The following GAK variants were observed in gnomAD, a reference collection of about 807,000 sequenced individuals.
The protein encoded by GAK is cyclin G associated kinase.
GAK carries 79 observed loss-of-function variants against 143.9 expected under a neutral mutation model. The observed-to-expected ratio is 0.55, with a 90% CI of 0.46 to 0.66. The LOEUF (loss-of-function observed/expected upper bound fraction) is 0.66. Among genes scored for constraint, GAK ranks in the 30% least tolerant of loss-of-function variants. The pLI is 0.00. For missense variants in GAK, 1,693 were observed against 1,779.7 expected, an observed-to-expected ratio of 0.95 and a Z score of 0.88; for synonymous variants, 881 against 765.5, an observed-to-expected ratio of 1.15 and a Z score of -2.49.
In GAK at chr4:868,594, T is replaced by C; in HGVS notation, c.2340A>G (p.Ser780=). The stretch of plus-strand genomic sequence containing the variant: ...TGGCGTCCGCGCTGCTGCTTGGCGG[T>C]GAGTCAGAGTCTGTGGGTTCGGCTT... ...SPEAEPTDSD[S]PPSSSADASR... The change falls in exon 20 of 28, where the codon TCA becomes TCG. Residue 780 remains serine (S), a synonymous_variant. Coordinates refer to ENST00000314167, the MANE Select transcript of GAK (RefSeq NM_005255.4). The C allele has an allele frequency of 6.2e-7, 1 of 1,603,084 alleles. No homozygotes were observed. Among genetic ancestry groups the C allele is most frequent in the Non-Finnish European group, 8.5e-7 (1 of 1,175,248 alleles).
intron 1 of GAK, among the ~76,000 whole-genome samples, chr4:923,171 C>A (rs1009646056): frequency 6.6e-6 from 1 of 152,146 alleles, no homozygotes; most frequent in African/African-American, 2.4e-5. Flanking sequence ...GCATCCCGAC[C>A]GTCACCACTG....
At chr4:851,474 C>G in intron 25 of GAK, 1 of 552,128 alleles carries the variant, frequency 1.8e-6, no homozygotes, top group Non-Finnish European at 3.2e-6. Flanking sequence ...CATCCTGATG[C>G]CTCCAGAGTA....
At chr4:900,437 G>T (rs1215054374) in intron 5 of GAK, among the ~76,000 whole-genome samples, 3 of 152,254 alleles carry the variant, frequency 2.0e-5, no homozygotes, top group Admixed American at 6.5e-5. Context: ...TGAAGTGCAG[G>T]CCTGGCTCAC....
chr4:903,721 G>A (rs928635497), intron 5 of GAK, among the ~76,000 whole-genome samples: 12 of 147,212 alleles, frequency 8.2e-5, no homozygotes, highest in Admixed American at 2.0e-4. Context: ...GGGGGCGGCC[G>A]AGGAAGGAGT....
At chr4:903,193 A>G (rs547847569) in intron 5 of GAK, among the ~76,000 whole-genome samples, 1 of 152,252 alleles carries the variant, frequency 6.6e-6, no homozygotes, top group South Asian at 2.1e-4. Flanking sequence ...GCCCCAGTCT[A>G]GAAGCATCTG....
At position 884,211 on chromosome 4, in the gene GAK, G is replaced by C. The variant is rs1715777572; in HGVS notation, c.1206-125C>G. ...CTCTCACTGTAGAGGCCGCATCCCA[G>C]GAGGAACGTGTGTGTGCACAGGCGT... On this transcript the variant is annotated intron_variant, in intron 11 of 27. Coordinates refer to ENST00000314167, the MANE Select transcript of GAK (RefSeq NM_005255.4). The C allele has an allele frequency of 2.6e-6, 2 of 757,184 alleles. 1 individual carries two copies. Among genetic ancestry groups the C allele is most frequent in the Admixed American group, 4.7e-5 (2 of 42,884 alleles). 46.9% of individuals were successfully genotyped at this position (757,184 alleles called of 1,614,324 possible). A position where few individuals can be genotyped will look rare whatever the true frequency, so the allele number is the denominator to read the frequency against.
At chr4:895,502 C>T (rs1718596956) in intron 7 of GAK, among the ~76,000 whole-genome samples, 1 of 152,202 alleles carries the variant, frequency 6.6e-6, no homozygotes, top group Non-Finnish European at 1.5e-5. Flanking sequence ...GGACACAGGG[C>T]CTCAGCCTAC....
At chr4:922,800 T>TA (rs1724116653) in intron 1 of GAK, among the ~76,000 whole-genome samples, 2 of 152,314 alleles carry the variant, frequency 1.3e-5, no homozygotes, top group Admixed American at 6.5e-5. Flanking sequence ...ACTGCACTCT[T>TA]AAACATTTAT....
intron 18 of GAK, 113 bp from the exon 19 acceptor site, chr4:871,017 C>T (rs1045171090): frequency 1.8e-5 from 17 of 938,234 alleles, no homozygotes; most frequent in Admixed American, 2.9e-5. Flanking sequence ...GGCAGCGGGG[C>T]GAGAACAACC....
At chr4:868,919 G>A (rs537861110) in intron 19 of GAK, 10 of 536,736 alleles carry the variant, frequency 1.9e-5, no homozygotes, top group African/African-American at 1.7e-4. Context: ...ACGCACACAT[G>A]AACACGCACA....
intron 11 of GAK, chr4:887,923 A>ACT (rs397822985): frequency 6.6e-6 from 1 of 152,094 alleles, no homozygotes; most frequent in Admixed American, 6.5e-5. Context: ...ACATGTTCAC[A>ACT]TATGTATGTT....
chr4:883,398 AC>A lies in GAK; in HGVS notation c.1320del (p.Leu440PhefsTer102). ...TGCCCTGGGTGCTTGGAGTCCAGGA[AC>A]AACCGCACATCTTCGATGTTGTTTT... ...ALKNNIEDVRLFLDSKHPGHY... is the reference protein window; with the variant it reads ...ALKNNIEDVRXFLDSKHPGHY... On this transcript the variant is annotated frameshift_variant, in exon 13 of 28. Coordinates refer to ENST00000314167, the MANE Select transcript of GAK (RefSeq NM_005255.4). LOFTEE classifies it high-confidence loss of function. 1 of 1,613,790 alleles carries A rather than the reference AC, an allele frequency of 6.2e-7. No homozygotes were observed. The highest frequency in any genetic ancestry group is 8.5e-7 in the Non-Finnish European group (1 of 1,179,994).
At chr4:904,927 T>C (rs976872349) in intron 4 of GAK, 148 bp from the exon 5 acceptor site, 1 of 750,726 alleles carries the variant, frequency 1.3e-6, no homozygotes, top group Non-Finnish European at 2.1e-6. Flanking sequence ...CAGAGGTGAC[T>C]CCCTTTGACC....
rs140383703 is a variant in GAK, at chr4:881,826, T to C, written c.1661+81A>G. On this transcript the variant is annotated intron_variant, in intron 15 of 27. Transcript: ENST00000314167. ...CGCCTGCAGCGGCACCGACTGGCCC[T>C]CCAGGAGACACCACAGCGGGGGCGG... The C allele has an allele frequency of 4.7e-3, 6,959 of 1,465,522 alleles. 28 individuals are homozygous for C. Among genetic ancestry groups the C allele is most frequent in the Non-Finnish European group, 5.8e-3 (6,329 of 1,089,190 alleles). 90.8% of individuals were successfully genotyped at this position (1,465,522 alleles called of 1,614,324 possible). A position where few individuals can be genotyped will look rare whatever the true frequency, so the allele number is the denominator to read the frequency against.
In GAK at chr4:849,928, G is replaced by C. The variant is rs762077846; in HGVS notation, c.3798C>G (p.His1266Gln). The change falls in exon 27 of 28, where the codon CAC (histidine) becomes CAG (glutamine). Residue 1266 changes from histidine to glutamine, a missense_variant. Transcript: ENST00000314167. ...GCACAGCCAGCACCGCGCGGCGATAGTGCTTCTTCACTTGCTCCGGAGCCA... is the reference window on the plus strand; with the variant it reads ...GCACAGCCAGCACCGCGCGGCGATACTGCTTCTTCACTTGCTCCGGAGCCA... ...DLVAPEQVKK[H>Q]YRRAVLAVHP... is the part of the protein sequence containing the mutation. 1.2e-6 allele frequency: 2 copies of C among 1,608,048 alleles called. No homozygotes were observed. The highest frequency in any genetic ancestry group is 2.2e-5 in the East Asian group (1 of 44,710).
At chr4:874,318 T>C (rs1352580739) in intron 18 of GAK, among the ~76,000 whole-genome samples, 4 of 152,234 alleles carry the variant, frequency 2.6e-5, no homozygotes, top group Admixed American at 6.5e-5. Flanking sequence ...CACAGAGTCA[T>C]GCATTCCAGC....
chr4:881,932 G>C lies in GAK; in HGVS notation c.1636C>G (p.Pro546Ala). ...CTTTTGTGGGATGGCCAGATGCCTG[G>C]TGGGCAGCGCTTCATGCTGAACATG... ...VYMFSMKRCPPGIWPSHKRYI... is the reference protein window; with the variant it reads ...VYMFSMKRCPAGIWPSHKRYI... Residue 546 changes from proline to alanine, a missense_variant, in exon 15 of 28, where the codon CCA becomes GCA. Around this residue, in one of 2 missense-constraint regions of GAK, gnomAD observed 871 missense variants for 991.0 expected, o/e 0.88. Coordinates refer to ENST00000314167, the MANE Select transcript of GAK (RefSeq NM_005255.4). 6.3e-7 allele frequency: 1 copy of C among 1,592,886 alleles called. No individual in the cohort carries two copies. Among genetic ancestry groups the C allele is most frequent in the Non-Finnish European group, 8.6e-7 (1 of 1,169,472 alleles).
intron 3 of GAK, chr4:912,110 G>A: frequency 2.1e-6 from 1 of 465,202 alleles, no homozygotes; most frequent in Non-Finnish European, 4.3e-6. Flanking sequence ...CAGGGAGGCT[G>A]CGGCGTGGCT....
rs78822342 is a variant in GAK, at chr4:882,108, G to A, written c.1528-68C>T. 2,611 of 1,499,590 alleles carry A rather than the reference G, an allele frequency of 1.7e-3. 33 individuals carry two copies. In the African/African-American group the frequency reaches 0.032, roughly 18 times the overall value. 92.9% of individuals were successfully genotyped at this position (1,499,590 alleles called of 1,614,324 possible). On this transcript the variant is annotated intron_variant, in intron 14 of 27. Coordinates refer to ENST00000314167, the MANE Select transcript of GAK (RefSeq NM_005255.4). ...CAGGACAAGGGCTCGCGGGGTCCTC[G>A]GGCATCCTACCCACCCTGTGGCTGC...
Sources: allele counts gnomAD v4.1 joint callset (sites outside exome capture counted in the v4.1 genomes callset), GRCh38; gene constraint gnomAD v4.1.1; regional missense constraint gnomAD v4.1.1; transcripts MANE v1.5; gene names NCBI Gene and HGNC (gene_info 2026-07-23, HGNC 2026-07-21).